Variants in HPS4 observed in about 807,000 individuals in gnomAD.
HPS4 encodes HPS4 biogenesis of lysosomal organelles complex 3 subunit 2, also known as BLOC-3 complex member HPS4.
A neutral mutation model predicts 70.3 loss-of-function variants in HPS4; 44 were observed. The ratio of observed to expected loss-of-function variants is 0.63; its 90% CI spans 0.49 to 0.80. The LOEUF is 0.80. Ranked by LOEUF, HPS4 falls within the 30% of genes least tolerant of loss-of-function variation. HPS4 has a pLI of 0.00. For synonymous variants in HPS4, 377 were observed against 355.9 expected (o/e 1.06, Z -0.67); for missense variants, 873 against 884.4 (o/e 0.99, Z 0.16).
In HPS4 at chr22:26,464,009, T is replaced by C. The variant is rs202104505; in HGVS notation, c.1621A>G (p.Met541Val). Reference sequence around the variant, plus strand: ...TTGACGCAGTGAGTGTAGAGATTCATCCTCACGAGCCCCATGCAGGACTCT... The same window carrying C: ...TTGACGCAGTGAGTGTAGAGATTCACCCTCACGAGCCCCATGCAGGACTCT... ...PAESCMGLVR[M>V]NLYTHCVKGL... is the part of the protein sequence containing the mutation. Residue 541 changes from methionine (M) to valine (V), a missense_variant, in exon 11 of 14, where the codon ATG becomes GTG. By Grantham distance (21) the Met-to-Val change is conservative (BLOSUM62 1). Coordinates refer to ENST00000398145, the MANE Select transcript of HPS4 (RefSeq NM_022081.6). 259 of 1,614,118 alleles carry C rather than the reference T, an allele frequency of 1.6e-4. No individual in the cohort carries two copies. Among genetic ancestry groups the C allele is most frequent in the Non-Finnish European group, 2.0e-4 (237 of 1,180,050 alleles).
At chr22:26,445,109 G>A (rs892240015) in intron 3 of HPS4, 2 of 152,682 alleles carry the variant, frequency 1.3e-5, no homozygotes, top group African/African-American at 4.8e-5. Flanking sequence ...GCTGAGCGGG[G>A]AGGATTGCTT....
At position 26,477,148 on chromosome 22, in the gene HPS4, G is replaced by A. The variant is rs199691721; in HGVS notation, c.133-12C>T. ...TGGTCTAGCAGGGTCTGTGGGAAAG[G>A]AGCACATTCCAGATAGGAAGCTGAA... On this transcript the variant is annotated splice_polypyrimidine_tract_variant and intron_variant, in intron 3 of 13. Coordinates refer to ENST00000398145, the MANE Select transcript of HPS4 (RefSeq NM_022081.6). 1.5e-4 allele frequency: 242 copies of A among 1,614,118 alleles called. No individual in the cohort carries two copies. In the African/African-American group the frequency reaches 2.9e-3, roughly 20 times the overall value.
At chr22:26,444,334 C>T (rs1442198456) in exon 4 of HPS4, 1 of 151,924 alleles carries the variant, frequency 6.6e-6, no homozygotes, top group Admixed American at 6.6e-5. Flanking sequence ...AAGGTGTGCA[C>T]TGCGTGACAA....
chr22:26,463,863 A>G (rs1219067986), intron 11 of HPS4, 54 bp downstream of exon 11: 1 of 1,573,932 alleles, frequency 6.4e-7, no homozygotes, highest in Non-Finnish European at 8.7e-7. Context: ...TGAGGGAAGC[A>G]CAGGAGATCG....
At chr22:26,479,218 G>A in intron 3 of HPS4, 47 bp downstream of exon 3, 1 of 1,594,590 alleles carries the variant, frequency 6.3e-7, no homozygotes, top group South Asian at 1.1e-5. Context: ...GTCACCACTT[G>A]GAGGCACTGG....
At chr22:26,463,770 C>CT in intron 11 of HPS4, 147 bp downstream of exon 11, 1 of 822,968 alleles carries the variant, frequency 1.2e-6, no homozygotes, top group Non-Finnish European at 1.9e-6. Flanking sequence ...ATACCTCCAT[C>CT]GTCTAAACAA....
chr22:26,466,564 T>C, intron 8 of HPS4: 1 of 517,748 alleles, frequency 1.9e-6, no homozygotes, highest in Non-Finnish European at 3.5e-6. Flanking sequence ...GGAATAAAAT[T>C]GAGGATTCCT....
chr22:26,465,667 G>T, intron 9 of HPS4, 116 bp from the exon 10 acceptor site: 1 of 815,100 alleles, frequency 1.2e-6, no homozygotes, highest in Non-Finnish European at 2.0e-6. Context: ...AAGGGGTGCT[G>T]TGAGTGCATT....
At chr22:26,462,153 G>T (rs2087425443) in intron 11 of HPS4, among the ~76,000 whole-genome samples, 1 of 150,650 alleles carries the variant, frequency 6.6e-6, no homozygotes, top group African/African-American at 2.4e-5. Flanking sequence ...AAGAAGAAAA[G>T]ATTAGCTTTT....
rs116763396 is a variant in HPS4 at position 26,462,779 on chromosome 22, A to G, written c.1713+1138T>C. On this transcript the variant is annotated intron_variant, in intron 11 of 13. Coordinates refer to ENST00000398145, the MANE Select transcript of HPS4 (RefSeq NM_022081.6). ...TGCAGCCACAACTCCCCGCACTGCT[A>G]TAAGAAGGAGATGGATAGTCACTCC... 8.0e-3 allele frequency among the ~76,000 whole-genome samples: 1,213 copies of G among 152,300 alleles called. 16 individuals carry two copies. The highest frequency in any genetic ancestry group is 0.026 in the African/African-American group (1,087 of 41,556).
chr22:26,453,554 G>C (rs1407193095), intron 13 of HPS4, 150 bp from the exon 14 acceptor site: 2 of 823,580 alleles, frequency 2.4e-6, no homozygotes, highest in African/African-American at 3.4e-5. Context: ...TATTTCTTCA[G>C]CTGAGTTTCA....
rs914716855 is a variant in HPS4 at position 26,452,532 on chromosome 22, T to G, written c.*701A>C. 2 of 348,546 alleles carry G rather than the reference T, an allele frequency of 5.7e-6. No homozygotes were observed. The highest frequency in any genetic ancestry group is 1.1e-5 in the Non-Finnish European group (2 of 178,114). 21.6% of individuals were successfully genotyped at this position (348,546 alleles called of 1,614,324 possible). ...GCAGGTTGGTCCTGTTGTCACTGAATTCTCAGGGCTCAGCCCCCAGAGCTT... is the reference window on the plus strand; with the variant it reads ...GCAGGTTGGTCCTGTTGTCACTGAAGTCTCAGGGCTCAGCCCCCAGAGCTT... On this transcript the variant is annotated 3_prime_UTR_variant, in exon 14 of 14. Transcript: ENST00000398145.
intron 4 of HPS4, chr22:26,475,637 C>CA (rs1316569034): frequency 6.6e-6 from 1 of 152,004 alleles, no homozygotes; most frequent in African/African-American, 2.4e-5. Flanking sequence ...CAGGCCTGAG[C>CA]CACAGCGCTC....
At position 26,483,781 on chromosome 22, in the gene HPS4, G is replaced by C. The variant is rs943891269; in HGVS notation, c.-586C>G. 1.3e-6 allele frequency: 1 copy of C among 768,450 alleles called. No individual in the cohort carries two copies. Among genetic ancestry groups the C allele is most frequent in the East Asian group, 3.5e-5 (1 of 28,396 alleles). The allele number at this position is 768,450 out of a possible 1,614,324, so 47.6% of individuals were successfully genotyped here. On this transcript the variant is annotated 5_prime_UTR_variant, in exon 1 of 14. Coordinates refer to ENST00000398145, the MANE Select transcript of HPS4 (RefSeq NM_022081.6). The stretch of plus-strand genomic sequence containing the variant: ...GCCCCGTACCTGCGCGCGCGGCAGA[G>C]AGGCCTTAGGTCACGCGCCGCCCCG...
rs80043802 is a variant in HPS4 at position 26,466,190 on chromosome 22, C to T, written c.706+36G>A. 2,374 of 1,613,790 alleles carry T rather than the reference C, an allele frequency of 1.5e-3. 32 individuals are homozygous for T. The African/African-American group carries it at 0.028, about 19-fold the overall frequency. ...AGGGGTAGGTAGCATAAAAGACCGCCGTTCTCAAGAGGCAACCATGCGCCT... is the reference window on the plus strand; with the variant it reads ...AGGGGTAGGTAGCATAAAAGACCGCTGTTCTCAAGAGGCAACCATGCGCCT... On this transcript the variant is annotated intron_variant, in intron 9 of 13. Coordinates refer to ENST00000398145, the MANE Select transcript of HPS4 (RefSeq NM_022081.6).
chr22:26,479,947 T>C lies in HPS4; in HGVS notation c.42-592A>G, dbSNP rs188570304. On this transcript the variant is annotated intron_variant, in intron 2 of 13. Coordinates refer to ENST00000398145, the MANE Select transcript of HPS4 (RefSeq NM_022081.6). ...AATTTACAGAGAAACTCTGAACTCC[T>C]CTCTACCATGCCAAACCTCACCAAG... 5.8e-3 allele frequency among the ~76,000 whole-genome samples: 876 copies of C among 152,292 alleles called. 8 individuals are homozygous for C. The highest frequency in any genetic ancestry group is 8.4e-3 in the Non-Finnish European group (569 of 68,028).
chr22:26,466,418 G>A (rs187751100), intron 8 of HPS4, 156 bp from the exon 9 acceptor site: 1 of 796,684 alleles, frequency 1.3e-6, no homozygotes. Flanking sequence ...TGGAACAGAA[G>A]CTCCCCCAAG....
chr22:26,470,794 A>G lies in HPS4; in HGVS notation c.521T>C (p.Leu174Pro), dbSNP rs1440102823. The part of the protein sequence containing the change: ...DQTKVEPLLL[L>P]KAARILQTCQ... ...GGTCTGCAGAATGCGGGCTGCCTTC[A>G]GCAACAACAGGGGCTCCACCTGTGC... Residue 174 changes from leucine (L) to proline (P), a missense_variant, in exon 7 of 14, where the codon CTG (leucine) becomes CCG (proline). Leu to Pro is a moderately conservative substitution (Grantham distance 98). Transcript: ENST00000398145. 6.2e-7 allele frequency: 1 copy of G among 1,614,232 alleles called. No homozygotes were observed. The highest frequency in any genetic ancestry group is 1.7e-5 in the Admixed American group (1 of 60,024).
intron 4 of HPS4, among the ~76,000 whole-genome samples, chr22:26,475,013 T>G (rs1224512292): frequency 6.6e-6 from 1 of 152,216 alleles, no homozygotes; most frequent in Non-Finnish European, 1.5e-5. Flanking sequence ...AAGGAAAAGT[T>G]CTAACAGTTT....
Sources: allele counts gnomAD v4.1 joint callset (sites outside exome capture counted in the v4.1 genomes callset), GRCh38; gene constraint gnomAD v4.1.1; transcripts MANE v1.5; gene names NCBI Gene and HGNC (gene_info 2026-07-23, HGNC 2026-07-21).